AKT3: variants seen among roughly 807,000 people sequenced by gnomAD.
AKT3 encodes the protein AKT serine/threonine kinase 3.
A neutral mutation model predicts 65.3 loss-of-function variants in AKT3; 15 were observed. That is an observed-to-expected ratio of 0.23 (90% CI 0.15 to 0.35). The LOEUF is 0.35. Among genes scored for constraint, AKT3 ranks in the 10% least tolerant of loss-of-function variants. The pLI, the probability that AKT3 is intolerant of heterozygous loss-of-function variation, is 1.00. For missense variants in AKT3, 243 were observed against 576.5 expected (o/e 0.42, Z 5.92); for synonymous variants, 206 against 183.8 (o/e 1.12, Z -0.98).
At position 243,697,746 on chromosome 1, in the gene AKT3, A is replaced by T. The variant is rs184531613; in HGVS notation, c.47-2030T>A. Among the ~76,000 whole-genome samples, 31 of 152,208 alleles carry T rather than the reference A, an allele frequency of 2.0e-4. No individual in the cohort carries two copies. In the East Asian group the frequency reaches 6.0e-3, roughly 29 times the overall value. On this transcript the variant is annotated intron_variant, in intron 2 of 13. Coordinates refer to ENST00000673466, the MANE Select transcript of AKT3 (RefSeq NM_005465.7). ...ACATTGGAAAGCTGACAAGCTCATAACGAGAGATCTGTTTTCCCAAATTTA... is the reference window on the plus strand; with the variant it reads ...ACATTGGAAAGCTGACAAGCTCATATCGAGAGATCTGTTTTCCCAAATTTA...
chr1:243,595,770 A>C (rs1676566007), intron 8 of AKT3, among the ~76,000 whole-genome samples: 1 of 152,206 alleles, frequency 6.6e-6, no homozygotes, highest in African/African-American at 2.4e-5. Flanking sequence ...TCCTACGCTA[A>C]CAATGCCTTC....
intron 3 of AKT3, among the ~76,000 whole-genome samples, chr1:243,673,971 A>C (rs1016077616): frequency 2.0e-5 from 3 of 152,174 alleles, no homozygotes; most frequent in Admixed American, 1.3e-4. Context: ...TTGATAACAA[A>C]ATTTTTAAAC....
At chr1:243,849,925 A>ACCCCG in intron 1 of AKT3, 115 bp downstream of exon 1, 1 of 775,624 alleles carries the variant, frequency 1.3e-6, no homozygotes, top group African/African-American at 1.9e-5. Context: ...GCCTCACCCC[A>ACCCCG]CCCCGCCGCC....
At chr1:243,668,367 T>C (rs543805509) in intron 3 of AKT3, among the ~76,000 whole-genome samples, 3 of 152,268 alleles carry the variant, frequency 2.0e-5, no homozygotes, top group South Asian at 2.1e-4. Context: ...AAAGAGAAGA[T>C]ATAAGGGCCC....
intron 4 of AKT3, among the ~76,000 whole-genome samples, chr1:243,656,141 C>T (rs1681773894): frequency 6.6e-6 from 1 of 151,850 alleles, no homozygotes; most frequent in Admixed American, 6.6e-5. Context: ...AAAAAAGTAT[C>T]AGGCCAAAGT....
chr1:243,569,148 G>T (rs1215270318), intron 9 of AKT3, among the ~76,000 whole-genome samples: 1 of 152,142 alleles, frequency 6.6e-6, no homozygotes, highest in Non-Finnish European at 1.5e-5. Flanking sequence ...TCTGCACATT[G>T]CAAGTTTAAG....
intron 2 of AKT3, among the ~76,000 whole-genome samples, chr1:243,771,487 T>C (rs1324303065): frequency 1.3e-5 from 2 of 152,200 alleles, no homozygotes; most frequent in African/African-American, 4.8e-5. Context: ...AACAAGAAAT[T>C]TGTTAATTCT....
In AKT3 at chr1:243,798,393, A is replaced by ATTTTTTTTTTTT. The variant is rs759264137; in HGVS notation, c.46+44720_46+44731dup. On this transcript the variant is annotated intron_variant, in intron 2 of 13. Coordinates refer to ENST00000673466, the MANE Select transcript of AKT3 (RefSeq NM_005465.7). ...CACCACTACACCTGGCTAATTTTTA[A>ATTTTTTTTTTTT]TTTTTTTTTTTTTTTTTTTTTTTTG... 3.6e-3 allele frequency among the ~76,000 whole-genome samples: 299 copies of ATTTTTTTTTTTT among 83,340 alleles called. 1 individual carries two copies. The highest frequency in any genetic ancestry group is 4.8e-3 in the Non-Finnish European group (227 of 46,988). The allele number at this position is 83,340 out of a possible 152,430, so 54.7% of individuals were successfully genotyped here. A position where few individuals can be genotyped will look rare whatever the true frequency, so the allele number is the denominator to read the frequency against.
At chr1:243,566,810 T>C (rs1574620805) in intron 9 of AKT3, among the ~76,000 whole-genome samples, 1 of 152,304 alleles carries the variant, frequency 6.6e-6, no homozygotes, top group East Asian at 1.9e-4. Flanking sequence ...TCATCTTTTC[T>C]TAAAACATGA....
intron 2 of AKT3, among the ~76,000 whole-genome samples, chr1:243,754,612 G>C (rs1432666079): frequency 6.6e-6 from 1 of 152,198 alleles, no homozygotes; most frequent in Non-Finnish European, 1.5e-5. Flanking sequence ...CCTCCTATCA[G>C]ATCAGCTGTG....
chr1:243,849,087 C>G (rs1026744881), intron 1 of AKT3, among the ~76,000 whole-genome samples: 1 of 152,216 alleles, frequency 6.6e-6, no homozygotes, highest in Non-Finnish European at 1.5e-5. Flanking sequence ...GATGGTGACC[C>G]CGCCTCGGCG....
At chr1:243,826,305 C>A (rs965828087) in intron 2 of AKT3, among the ~76,000 whole-genome samples, 1 of 152,160 alleles carries the variant, frequency 6.6e-6, no homozygotes, top group African/African-American at 2.4e-5. Context: ...TGATTGAGAA[C>A]TGAAGTACAA....
intron 8 of AKT3, among the ~76,000 whole-genome samples, chr1:243,579,005 G>A (rs945875601): frequency 6.6e-6 from 1 of 152,242 alleles, no homozygotes; most frequent in Non-Finnish European, 1.5e-5. Context: ...TGAGCTTGCA[G>A]AGAGCTTCTG....
At chr1:243,727,430 C>CTACCA (rs1687279720) in intron 2 of AKT3, among the ~76,000 whole-genome samples, 1 of 152,048 alleles carries the variant, frequency 6.6e-6, no homozygotes, top group Admixed American at 6.6e-5. Flanking sequence ...CAGGCATGCA[C>CTACCA]TACCATGCGT....
intron 2 of AKT3, among the ~76,000 whole-genome samples, chr1:243,707,241 A>G (rs1468040731): frequency 5.3e-5 from 8 of 152,200 alleles, no homozygotes; most frequent in Non-Finnish European, 1.0e-4. Context: ...TTAAAATAAA[A>G]TGGAATTTCT....
chr1:243,796,496 C>T (rs1692013946), intron 2 of AKT3, among the ~76,000 whole-genome samples: 1 of 152,168 alleles, frequency 6.6e-6, no homozygotes, highest in Admixed American at 6.5e-5. Context: ...AGCAGCTTCT[C>T]ACTCCACTTA....
chr1:243,747,207 T>A (rs984078647), intron 2 of AKT3, among the ~76,000 whole-genome samples: 1 of 152,162 alleles, frequency 6.6e-6, no homozygotes, highest in African/African-American at 2.4e-5. Context: ...AACAAAGGAA[T>A]ATATTCCTAA....
In AKT3 at chr1:243,795,472, T is replaced by G. The variant is rs1237952428; in HGVS notation, c.46+47653A>C. ...TTGTTTTTTTTTTTTGTTTTTTTTT[T>G]TTGGTTTTTTTTTTTTTGAGACGGA... On this transcript the variant is annotated intron_variant, in intron 2 of 13. Coordinates refer to ENST00000673466, the MANE Select transcript of AKT3 (RefSeq NM_005465.7). 6.9e-5 allele frequency among the ~76,000 whole-genome samples: 7 copies of G among 100,732 alleles called. 1 individual carries two copies. Among genetic ancestry groups the G allele is most frequent in the African/African-American group, 9.2e-5 (3 of 32,522 alleles). The allele number at this position is 100,732 out of a possible 152,430, so 66.1% of individuals were successfully genotyped here.
At chr1:243,493,237 G>A (rs1360620699) in intron 13 of AKT3, among the ~76,000 whole-genome samples, 15 of 138,174 alleles carry the variant, frequency 1.1e-4, no homozygotes, top group Non-Finnish European at 4.8e-5. Flanking sequence ...GGTGGGGGGA[G>A]GGGGATTCGG....
Sources: gnomAD v4.1 joint callset for allele counts (sites outside exome capture counted in the v4.1 genomes callset) on GRCh38, gnomAD v4.1.1 for gene constraint, MANE v1.5 for transcripts, NCBI Gene and HGNC (gene_info 2026-07-23, HGNC 2026-07-21) for gene names.